The following SGTB variants were observed in gnomAD, a reference collection of about 807,000 sequenced individuals.
SGTB encodes small glutamine rich tetratricopeptide repeat co-chaperone beta, also known as small glutamine-rich tetratricopeptide repeat-containing protein beta.
Under a neutral mutation model 43.9 loss-of-function variants are expected in SGTB, and 19 were observed. The ratio of observed to expected loss-of-function variants is 0.43; its 90% CI spans 0.30 to 0.63. SGTB has a LOEUF of 0.63. Ranked by LOEUF, SGTB falls within the 30% of genes least tolerant of loss-of-function variation. The probability of loss-of-function intolerance (pLI) is 0.12; values close to 1 mark genes in which losing one functional copy is unlikely to be tolerated. For synonymous variants in SGTB, 116 were observed against 117.3 expected, an observed-to-expected ratio of 0.99 and a Z score of 0.07; for missense variants, 304 against 358.9, an observed-to-expected ratio of 0.85 and a Z score of 1.24.
At chr5:65,683,824 T>A (rs904629280) in intron 6 of SGTB, among the ~76,000 whole-genome samples, 74 of 151,824 alleles carry the variant, frequency 4.9e-4, no homozygotes, top group African/African-American at 1.8e-3. Flanking sequence ...CGGGTGCCTG[T>A]AGTCCCAGCT....
At chr5:65,686,902 ATAGAT>A (rs1463403993) in intron 5 of SGTB, among the ~76,000 whole-genome samples, 3 of 152,202 alleles carry the variant, frequency 2.0e-5, no homozygotes, top group African/African-American at 7.2e-5. Context: ...CAATCAAACT[ATAGAT>A]TAGGGTTATC....
At chr5:65,716,592 AT>A (rs2150725232) in intron 2 of SGTB, among the ~76,000 whole-genome samples, 1 of 152,340 alleles carries the variant, frequency 6.6e-6, no homozygotes, top group Non-Finnish European at 1.5e-5. Context: ...AGAGTCCAGA[AT>A]GATACCCAAG....
chr5:65,702,429 G>C (rs928470258), intron 5 of SGTB, among the ~76,000 whole-genome samples: 1 of 152,202 alleles, frequency 6.6e-6, no homozygotes, highest in African/African-American at 2.4e-5. Flanking sequence ...TCTCCTGCCA[G>C]TACCTCCATG....
At chr5:65,670,421 G>T (rs931592711) in intron 10 of SGTB, 64 bp from the exon 11 acceptor site, 4 of 1,369,316 alleles carry the variant, frequency 2.9e-6, no homozygotes, top group Non-Finnish European at 4.1e-6. Flanking sequence ...CACGCAAAAA[G>T]AAATGCAGAA....
chr5:65,675,929 A>G (rs909539173), intron 8 of SGTB, among the ~76,000 whole-genome samples: 3 of 152,216 alleles, frequency 2.0e-5, no homozygotes, highest in Non-Finnish European at 4.4e-5. Flanking sequence ...AAGCAACCAC[A>G]TAAGTTTGCA....
At chr5:65,695,350 C>T (rs2150713869) in intron 5 of SGTB, among the ~76,000 whole-genome samples, 1 of 152,282 alleles carries the variant, frequency 6.6e-6, no homozygotes, top group Admixed American at 6.5e-5. Context: ...TCAATCTTAA[C>T]AGCTTTGGAT....
At chr5:65,676,011 G>A (rs939208363) in intron 8 of SGTB, among the ~76,000 whole-genome samples, 1 of 152,030 alleles carries the variant, frequency 6.6e-6, no homozygotes, top group East Asian at 1.9e-4. Context: ...ATGTAAATGG[G>A]CTAAATGCCC....
At chr5:65,670,928 A>G (rs1449471590) in intron 10 of SGTB, among the ~76,000 whole-genome samples, 2 of 152,228 alleles carry the variant, frequency 1.3e-5, no homozygotes, top group Non-Finnish European at 2.9e-5. Flanking sequence ...TAAAATGTCC[A>G]GCGAGAGCAT....
intron 10 of SGTB, among the ~76,000 whole-genome samples, chr5:65,671,281 T>C (rs1757148957): frequency 6.6e-6 from 1 of 152,176 alleles, no homozygotes; most frequent in South Asian, 2.1e-4. Flanking sequence ...TATTTGGACA[T>C]ATGATTTTTA....
intron 5 of SGTB, among the ~76,000 whole-genome samples, chr5:65,701,855 G>A (rs1483064560): frequency 1.3e-5 from 2 of 152,088 alleles, no homozygotes; most frequent in South Asian, 2.1e-4. Context: ...GGATGGTCTC[G>A]ATCTCCTGAC....
At chr5:65,704,737 C>A (rs1200170344) in intron 4 of SGTB, among the ~76,000 whole-genome samples, 1 of 152,176 alleles carries the variant, frequency 6.6e-6, no homozygotes, top group Non-Finnish European at 1.5e-5. Flanking sequence ...CCAGCCCGTT[C>A]CAGATGCAAC....
chr5:65,674,794 C>T (rs928725625), intron 8 of SGTB, among the ~76,000 whole-genome samples: 11 of 151,874 alleles, frequency 7.2e-5, no homozygotes, highest in Non-Finnish European at 1.5e-4. Flanking sequence ...AATGCCATAA[C>T]CTGAGTCCTA....
Position 65,709,171 on chromosome 5 carries a change from A to T in SGTB, c.205-613T>A, listed in dbSNP as rs1757996513. 3.3e-5 allele frequency among the ~76,000 whole-genome samples: 5 copies of T among 152,214 alleles called. No individual in the cohort carries two copies. In the South Asian group the frequency reaches 1.0e-3, roughly 31 times the overall value. ...TGTAAAGAATAGGAATAGAAATATG[A>T]TCAAGGGATTGTTTATATTAGTGAA... is the stretch of plus-strand genomic sequence containing the variant. On this transcript the variant is annotated intron_variant, in intron 3 of 10. Coordinates refer to ENST00000381007, the MANE Select transcript of SGTB (RefSeq NM_019072.3).
intron 10 of SGTB, 98 bp from the exon 11 acceptor site, chr5:65,670,455 GCT>G: frequency 2.1e-6 from 2 of 931,270 alleles, no homozygotes; most frequent in Non-Finnish European, 3.3e-6. Flanking sequence ...CCTAAAGGGG[GCT>G]TTTTTCTATA....
intron 3 of SGTB, among the ~76,000 whole-genome samples, chr5:65,709,504 G>A (rs534710746): frequency 1.8e-4 from 27 of 151,392 alleles, no homozygotes; most frequent in African/African-American, 5.8e-4. Context: ...TCAGCCTCCC[G>A]AGTAGCTGGG....
chr5:65,678,594 T>G (rs866223994), intron 8 of SGTB, among the ~76,000 whole-genome samples: 8 of 152,198 alleles, frequency 5.3e-5, no homozygotes, highest in Non-Finnish European at 1.2e-4. Context: ...AATTTCAAAC[T>G]GTACTACAGG....
In SGTB at chr5:65,667,630, C is replaced by T. The variant is rs987700386; in HGVS notation, c.*2616G>A. 1.1e-5 allele frequency: 1 copy of T among 91,470 alleles called. No homozygotes were observed. Among genetic ancestry groups the T allele is most frequent in the African/African-American group, 4.2e-5 (1 of 24,010 alleles). 5.7% of individuals were successfully genotyped at this position (91,470 alleles called of 1,614,324 possible). ...AACTATATATCTTCATACAGATCTT[C>T]GTTGTAGCTTTGTTTGGCCCAGGTG... On this transcript the variant is annotated 3_prime_UTR_variant, in exon 11 of 11. Transcript: ENST00000381007.
At chr5:65,717,407 T>C (rs909096482) in intron 2 of SGTB, among the ~76,000 whole-genome samples, 8 of 151,702 alleles carry the variant, frequency 5.3e-5, no homozygotes, top group Non-Finnish European at 8.8e-5. Flanking sequence ...AATTTTATGA[T>C]GTAAGATTAA....
At chr5:65,679,646 A>AC (rs1185834997) in intron 8 of SGTB, among the ~76,000 whole-genome samples, 7 of 152,118 alleles carry the variant, frequency 4.6e-5, no homozygotes, top group African/African-American at 1.2e-4. Flanking sequence ...AACAACAACA[A>AC]AAAAAACAAA....
Sources: allele counts gnomAD v4.1 joint callset (sites outside exome capture counted in the v4.1 genomes callset), GRCh38; gene constraint gnomAD v4.1.1; transcripts MANE v1.5; gene names NCBI Gene and HGNC (gene_info 2026-07-23, HGNC 2026-07-21).